HCFC1: variants seen among roughly 807,000 people sequenced by gnomAD.
HCFC1 encodes host cell factor 1.
Under a neutral mutation model 105.5 loss-of-function variants are expected in HCFC1, and 7 were observed. That is an observed-to-expected ratio of 0.07 (90% CI 0.04 to 0.12). The LOEUF (loss-of-function observed/expected upper bound fraction) is 0.12, where lower values mean the gene tolerates loss of function less well. HCFC1 is among the 10% of genes least tolerant of loss of function. HCFC1 has a pLI of 1.00. For synonymous variants in HCFC1, 918 were observed against 828.1 expected, an observed-to-expected ratio of 1.11 and a Z score of -1.86; for missense variants, 1,065 against 1,823.6, an observed-to-expected ratio of 0.58 and a Z score of 7.58.
chrX:153,949,309 G>T lies in HCFC1; in HGVS notation c.*38C>A, dbSNP rs782562347. The T allele has an allele frequency of 6.9e-6, 8 of 1,162,617 alleles. No homozygotes were observed. In the South Asian group the frequency reaches 1.1e-4, roughly 16 times the overall value. On this transcript the variant is annotated 3_prime_UTR_variant, in exon 26 of 26. Coordinates refer to ENST00000310441, the MANE Select transcript of HCFC1 (RefSeq NM_005334.3). ...CCTGGCGGGTGTTCCTGAAGCAGGG[G>T]GGTCTGGAGAAGAATCCAGGGGCTA...
chrX:153,951,235 G>A, intron 22 of HCFC1, 115 bp downstream of exon 22: 2 of 885,870 alleles, frequency 2.3e-6, no homozygotes, highest in African/African-American at 2.0e-5. Context: ...ACCTTCCTCA[G>A]GCTTCCTGGC....
In HCFC1 at chrX:153,949,321, G is replaced by C; in HGVS notation, c.*26C>G. ...TCCTGAAGCAGGGGGGTCTGGAGAA[G>C]AATCCAGGGGCTAGTCAGCTTCCTC... is the stretch of plus-strand genomic sequence containing the variant. On this transcript the variant is annotated 3_prime_UTR_variant, in exon 26 of 26. Transcript: ENST00000310441. The C allele has an allele frequency of 8.4e-7, 1 of 1,190,305 alleles. No individual in the cohort carries two copies. Among genetic ancestry groups the C allele is most frequent in the Non-Finnish European group, 1.1e-6 (1 of 878,312 alleles).
In HCFC1 at chrX:153,949,266, G is replaced by T; in HGVS notation, c.*81C>A. On this transcript the variant is annotated 3_prime_UTR_variant, in exon 26 of 26. Coordinates refer to ENST00000310441, the MANE Select transcript of HCFC1 (RefSeq NM_005334.3). The stretch of plus-strand genomic sequence containing the variant: ...GAGGGTGAAGTGCGAATGCTGGGAC[G>T]GGGTGGGAGGGGTGGGCCCTGGCGG... 1 of 754,518 alleles carries T rather than the reference G, an allele frequency of 1.3e-6. No individual in the cohort carries two copies. 62.2% of individuals were successfully genotyped at this position (754,518 alleles called of 1,213,427 possible).
intron 13 of HCFC1, 53 bp downstream of exon 13, chrX:153,957,261 T>C: frequency 1.9e-6 from 2 of 1,071,406 alleles, no homozygotes; most frequent in Non-Finnish European, 1.3e-6. Context: ...CCGGACTCCA[T>C]TTCCCCTCCA....
chrX:153,968,012 C>A (rs1557118827), intron 1 of HCFC1, among the ~76,000 whole-genome samples: 32 of 111,576 alleles, frequency 2.9e-4, no homozygotes, highest in Non-Finnish European at 7.5e-5. Context: ...GGGAGGGCGA[C>A]CCTGGACCTG....
Position 153,956,406 on chromosome X carries a change from T to C in HCFC1, c.2641A>G (p.Thr881Ala). 3.3e-6 allele frequency: 4 copies of C among 1,208,751 alleles called. No homozygotes were observed. The highest frequency in any genetic ancestry group is 4.5e-6 in the Non-Finnish European group (4 of 893,157). Residue 881 changes from threonine (T) to alanine (A), a missense_variant, in exon 16 of 26, where the codon ACG becomes GCG. By Grantham distance (58) the Thr-to-Ala change is moderately conservative. Transcript: ENST00000310441. The part of the protein sequence containing the change: ...TLVVKGTTGV[T>A]TLGTVTGTVS... ...GTGCCTGTCACTGTGCCTAGGGTCGTGACACCTGAAGGAAAGGAGGCAAGA... is the reference window on the plus strand; with the variant it reads ...GTGCCTGTCACTGTGCCTAGGGTCGCGACACCTGAAGGAAAGGAGGCAAGA...
rs782363168 is a variant in HCFC1 at position 153,970,632 on chromosome X, C to CG, written c.193+15dup. The CG allele has an allele frequency of 6.0e-6, 7 of 1,170,879 alleles. No homozygotes were observed. The highest frequency in any genetic ancestry group is 6.9e-6 in the Non-Finnish European group (6 of 870,645). On this transcript the variant is annotated intron_variant, in intron 1 of 25. Coordinates refer to ENST00000310441, the MANE Select transcript of HCFC1 (RefSeq NM_005334.3). ...GGGAGGGAAAGAGCCGAAGACCCAG[C>CG]GGGCTTTGCACTCACCCGTGTTGTA...
intron 6 of HCFC1, 84 bp downstream of exon 6, chrX:153,961,458 G>A (rs1171064051): frequency 4.7e-6 from 3 of 638,445 alleles, no homozygotes; most frequent in Non-Finnish European, 7.5e-6. Flanking sequence ...CTTGCTCCCC[G>A]CACACCCCAC....
chrX:153,953,723 C>G lies in HCFC1; in HGVS notation c.4381G>C (p.Gly1461Arg), dbSNP rs1371640107. The part of the protein sequence containing the change: ...SDQGEVESTQ[G>R]DSVNITSSSA... Reference sequence around the variant, plus strand: ...GAGCTGGTGATGTTCACGCTGTCGCCCTGGGTGCTCTCCACCTCTCCCTGA... The same window carrying G: ...GAGCTGGTGATGTTCACGCTGTCGCGCTGGGTGCTCTCCACCTCTCCCTGA... Residue 1461 changes from glycine (G) to arginine (R), a missense_variant, in exon 18 of 26, where the codon GGC (glycine) becomes CGC (arginine). Coordinates refer to ENST00000310441, the MANE Select transcript of HCFC1 (RefSeq NM_005334.3). The G allele has an allele frequency of 5.0e-5, 61 of 1,208,804 alleles. No homozygotes were observed. The highest frequency in any genetic ancestry group is 6.3e-5 in the Non-Finnish European group (56 of 894,680).
At chrX:153,970,161 G>T in intron 1 of HCFC1, 1 of 111,910 alleles carries the variant, frequency 8.9e-6, no homozygotes, top group South Asian at 3.4e-4. Flanking sequence ...CAGGAGAAGG[G>T]AGGGAGGGAG....
At position 153,970,969 on chromosome X, in the gene HCFC1, A is replaced by G. The variant is rs1298788381; in HGVS notation, c.-129T>C. On this transcript the variant is annotated 5_prime_UTR_variant, in exon 1 of 26. Transcript: ENST00000310441. ...GCGGTTTCTCACACAGCGGTAGACG[A>G]CTCCATGGAGGCCGCCATCTTAACT... 6 of 495,053 alleles carry G rather than the reference A, an allele frequency of 1.2e-5. No homozygotes were observed. In the African/African-American group the frequency reaches 1.5e-4, roughly 12 times the overall value. 40.8% of individuals were successfully genotyped at this position (495,053 alleles called of 1,213,427 possible).
chrX:153,967,797 C>T (rs193259209), intron 1 of HCFC1, among the ~76,000 whole-genome samples: 2 of 111,739 alleles, frequency 1.8e-5, no homozygotes, highest in East Asian at 2.8e-4. Context: ...CAGGGCCAAT[C>T]AGGAAGTGAC....
rs1557115569 is a variant in HCFC1, at chrX:153,957,809, G to A, written c.2106C>T (p.Ser702=). 1.7e-6 allele frequency: 2 copies of A among 1,208,734 alleles called. No homozygotes were observed. Among genetic ancestry groups the A allele is most frequent in the East Asian group, 3.0e-5 (1 of 33,864 alleles). The change falls in exon 12 of 26, where the codon TCC becomes TCT. Residue 702 remains serine (S), a synonymous_variant. Coordinates refer to ENST00000310441, the MANE Select transcript of HCFC1 (RefSeq NM_005334.3). The part of the protein sequence containing the change: ...VQTSAVTGQA[S]TGPVTQIIQT... ...GGATGATCTGAGTCACAGGACCCGTGGACGCCTGGCCTGTGACTGCTGAAG... is the reference window on the plus strand; with the variant it reads ...GGATGATCTGAGTCACAGGACCCGTAGACGCCTGGCCTGTGACTGCTGAAG...
chrX:153,959,243 C>T (rs2065406212), intron 9 of HCFC1, 88 bp downstream of exon 9: 7 of 981,702 alleles, frequency 7.1e-6, no homozygotes, highest in Admixed American at 6.2e-5. Flanking sequence ...TACCAGAGCC[C>T]GAGAGGGATG....
Position 153,952,498 on chromosome X carries a change from T to C in HCFC1, c.4942+16A>G. On this transcript the variant is annotated intron_variant, in intron 19 of 25. Transcript: ENST00000310441. ...CCCGAGCGGCCCGGCTTCCCCAGGG[T>C]TGCACCGGCACTCACCCATGACGGC... 2.6e-6 allele frequency: 3 copies of C among 1,139,055 alleles called. No homozygotes were observed. In the South Asian group the frequency reaches 6.2e-5, roughly 24 times the overall value. 93.9% of individuals were successfully genotyped at this position (1,139,055 alleles called of 1,213,427 possible).
chrX:153,951,725 G>A lies in HCFC1; in HGVS notation c.5261-18C>T. On this transcript the variant is annotated intron_variant, in intron 20 of 25. Transcript: ENST00000310441. ...AGCCAGGCCTAGGAAGAAAGAAGGT[G>A]TCAGCGGGAAAGACTCGGGAAACCT... 2.5e-6 allele frequency: 3 copies of A among 1,194,163 alleles called. No homozygotes were observed. The highest frequency in any genetic ancestry group is 3.4e-6 in the Non-Finnish European group (3 of 885,469).
rs868919810 is a variant in HCFC1 at position 153,952,390 on chromosome X, G to A, written c.4942+124C>T. 103 of 887,358 alleles carry A rather than the reference G, an allele frequency of 1.2e-4. No individual in the cohort carries two copies. In the Middle Eastern group the frequency reaches 4.3e-3, roughly 37 times the overall value. The allele number at this position is 887,358 out of a possible 1,213,427, so 73.1% of individuals were successfully genotyped here. On this transcript the variant is annotated intron_variant, in intron 19 of 25. Transcript: ENST00000310441. ...GGCCTGCCTGGGGTCCCCTGTGCTCGTCCTCCCCATCACATCTGGCTCATG... is the reference window on the plus strand; with the variant it reads ...GGCCTGCCTGGGGTCCCCTGTGCTCATCCTCCCCATCACATCTGGCTCATG...
chrX:153,955,213 C>A lies in HCFC1; in HGVS notation c.3186G>T (p.Ser1062=). 8.3e-7 allele frequency: 1 copy of A among 1,211,315 alleles called. No individual in the cohort carries two copies. The change falls in exon 17 of 26, where the codon TCG becomes TCT. Residue 1062 remains serine, a synonymous_variant. Coordinates refer to ENST00000310441, the MANE Select transcript of HCFC1 (RefSeq NM_005334.3). ...CGCTACCATTCTGCTGGCCCACAGTCGAGGTCACAAGAGAAGCAGCTGCCT... is the reference window on the plus strand; with the variant it reads ...CGCTACCATTCTGCTGGCCCACAGTAGAGGTCACAAGAGAAGCAGCTGCCT... ...RQEAAASLVT[S]TVGQQNGSVV... is the part of the protein sequence containing the mutation.
rs376294666 is a variant in HCFC1 at position 153,951,377 on chromosome X, C to T, written c.5490G>A (p.Leu1830=). ...CTGATGGGACAGCATCATCTGGTGG[C>T]AGGAAATAGTGTGTCACCATTACAT... The part of the protein sequence containing the change: ...GTNVMVTHYF[L]PPDDAVPSDD... The change falls in exon 22 of 26, where the codon CTG becomes CTA. Residue 1830 remains leucine, a synonymous_variant. Transcript: ENST00000310441. 1.2e-3 allele frequency: 1,399 copies of T among 1,209,544 alleles called. 10 individuals are homozygous for T. In the South Asian group the frequency reaches 0.021, roughly 19 times the overall value.
Sources: allele counts gnomAD v4.1 joint callset (sites outside exome capture counted in the v4.1 genomes callset), GRCh38; gene constraint gnomAD v4.1.1; transcripts MANE v1.5; gene names NCBI Gene and HGNC (gene_info 2026-07-23, HGNC 2026-07-21).